The following LGSN variants were observed in gnomAD, a reference collection of about 807,000 sequenced individuals.
LGSN encodes the protein lengsin.
LGSN carries 21 observed loss-of-function variants against 19.5 expected under a neutral mutation model. The observed-to-expected ratio is 1.07, with a 90% CI of 0.76 to 1.55. The LOEUF is 1.55. Among genes scored for constraint, LGSN ranks in the 40% most tolerant of loss-of-function variants. The pLI, the probability that LGSN is intolerant of heterozygous loss-of-function variation, is 0.00. For missense variants in LGSN, 673 were observed against 608.5 expected (o/e 1.11, Z -1.12); for synonymous variants, 257 against 215.6 (o/e 1.19, Z -1.68).
At chr6:63,425,326 T>C in the LGSN span, among the ~76,000 whole-genome samples, 10 of 152,320 alleles carry the variant, frequency 6.6e-5, no homozygotes, top group Non-Finnish European at 1.0e-4. Flanking sequence ...TGAATGCTTA[T>C]AGCAGCTTTA....
rs1424238200 is a variant in LGSN at position 63,276,358 on chromosome 6, T to C, written c.*3663A>G. The C allele has an allele frequency of 1.3e-5, 2 of 152,226 alleles. No homozygotes were observed. The highest frequency in any genetic ancestry group is 2.4e-5 in the African/African-American group (1 of 41,456). 9.4% of individuals were successfully genotyped at this position (152,226 alleles called of 1,614,324 possible). A position where few individuals can be genotyped will look rare whatever the true frequency, so the allele number is the denominator to read the frequency against. On this transcript the variant is annotated 3_prime_UTR_variant, in exon 4 of 4. Coordinates refer to ENST00000370657, the MANE Select transcript of LGSN (RefSeq NM_016571.3). ...CACTGTAAAATGAAATTTTAGATTATAGAATGTCCTTGAAAATAGAAACTT... is the reference window on the plus strand; with the variant it reads ...CACTGTAAAATGAAATTTTAGATTACAGAATGTCCTTGAAAATAGAAACTT...
At chr6:63,420,016 C>G in the LGSN span, among the ~76,000 whole-genome samples, 1 of 139,680 alleles carries the variant, frequency 7.2e-6, no homozygotes, top group Non-Finnish European at 1.5e-5. Context: ...CCATGGCTAA[C>G]ACGGTGAAAC....
chr6:63,492,449 C>T, the LGSN span, among the ~76,000 whole-genome samples: 1 of 152,224 alleles, frequency 6.6e-6, no homozygotes, highest in South Asian at 2.1e-4. Context: ...TATACAGTGA[C>T]TTCACAACAC....
chr6:63,449,510 C>T, the LGSN span, among the ~76,000 whole-genome samples: 1 of 150,848 alleles, frequency 6.6e-6, no homozygotes, highest in African/African-American at 2.4e-5. Flanking sequence ...ACACCACTGC[C>T]CTCCAGCCTG....
At chr6:63,355,085 T>C in the LGSN span, among the ~76,000 whole-genome samples, 3 of 152,142 alleles carry the variant, frequency 2.0e-5, no homozygotes, top group East Asian at 1.9e-4. Flanking sequence ...ATGTATTGTA[T>C]AGTTCAAAAT....
the LGSN span, among the ~76,000 whole-genome samples, chr6:63,570,798 A>G: frequency 6.6e-6 from 1 of 152,160 alleles, no homozygotes; most frequent in Non-Finnish European, 1.5e-5. Context: ...TTTTATATTA[A>G]CCCTACCCAT....
At chr6:63,472,644 A>C in the LGSN span, among the ~76,000 whole-genome samples, 4 of 152,160 alleles carry the variant, frequency 2.6e-5, no homozygotes, top group Admixed American at 2.6e-4. Context: ...CTCCTTAAAA[A>C]TTATGCCCAA....
chr6:63,357,136 C>G, the LGSN span, among the ~76,000 whole-genome samples: 1 of 152,066 alleles, frequency 6.6e-6, no homozygotes, highest in African/African-American at 2.4e-5. Context: ...CCAGCTTCAT[C>G]CATATCCCTG....
chr6:63,278,989 T>A lies in LGSN; in HGVS notation c.*1032A>T, dbSNP rs1340163160. Reference sequence around the variant, plus strand: ...ATTTGCTAGTAAGTGGATTTTGGACTTCTTCCCAAAAGCAGCTAAACTTTT... The same window carrying A: ...ATTTGCTAGTAAGTGGATTTTGGACATCTTCCCAAAAGCAGCTAAACTTTT... On this transcript the variant is annotated 3_prime_UTR_variant, in exon 4 of 4. Coordinates refer to ENST00000370657, the MANE Select transcript of LGSN (RefSeq NM_016571.3). 1 of 152,248 alleles carries A rather than the reference T, an allele frequency of 6.6e-6. No individual in the cohort carries two copies. The highest frequency in any genetic ancestry group is 1.5e-5 in the Non-Finnish European group (1 of 68,050). The allele number at this position is 152,248 out of a possible 1,614,324, so 9.4% of individuals were successfully genotyped here.
the LGSN span, among the ~76,000 whole-genome samples, chr6:63,565,285 CGGCAGAGTTACTAATG>C: frequency 6.6e-6 from 1 of 151,706 alleles, no homozygotes; most frequent in African/African-American, 2.4e-5. Flanking sequence ...CTATATTAAG[CGGCAGAGTTACTAATG>C]TGAATACACA....
chr6:63,506,210 A>C, the LGSN span, among the ~76,000 whole-genome samples: 2 of 151,536 alleles, frequency 1.3e-5, no homozygotes, highest in Non-Finnish European at 2.9e-5. Flanking sequence ...GATTTTTCTC[A>C]TGGAAAGGAG....
the LGSN span, among the ~76,000 whole-genome samples, chr6:63,491,885 C>T: frequency 3.6e-3 from 549 of 152,092 alleles, 3 homozygotes; most frequent in Non-Finnish European, 5.8e-3. Flanking sequence ...AAAAATTAGC[C>T]GGGCGTAGTG....
chr6:63,489,065 G>GTTCA, the LGSN span, among the ~76,000 whole-genome samples: 4 of 152,002 alleles, frequency 2.6e-5, no homozygotes, highest in African/African-American at 4.8e-5. Flanking sequence ...TTTTGCTAAG[G>GTTCA]ATCATGATAA....
chr6:63,515,562 A>G, the LGSN span, among the ~76,000 whole-genome samples: 3 of 152,190 alleles, frequency 2.0e-5, no homozygotes, highest in Admixed American at 6.5e-5. Context: ...TACAGAAGTT[A>G]TTTAAAATGT....
chr6:63,508,059 A>T, the LGSN span, among the ~76,000 whole-genome samples: 1 of 103,618 alleles, frequency 9.7e-6, no homozygotes, highest in Non-Finnish European at 1.8e-5. Context: ...CAACCAATTC[A>T]TGGTTAACTG....
chr6:63,534,738 A>G, the LGSN span, among the ~76,000 whole-genome samples: 1 of 122,072 alleles, frequency 8.2e-6, no homozygotes, highest in African/African-American at 3.1e-5. Context: ...ACCTGAGGTC[A>G]GGAGTTCGAG....
chr6:63,503,113 A>C, the LGSN span, among the ~76,000 whole-genome samples: 15 of 152,172 alleles, frequency 9.9e-5, no homozygotes, highest in South Asian at 8.3e-4. Context: ...TATTGTATTC[A>C]TCATGAGTAA....
rs1206648048 is a variant in LGSN, at chr6:63,295,188, C to T, written c.31-143G>A. Reference sequence around the variant, plus strand: ...AATGATGAAAATTTTGTCACTTCCACACTCACCTGAATAACTCACAATTTA... The same window carrying T: ...AATGATGAAAATTTTGTCACTTCCATACTCACCTGAATAACTCACAATTTA... On this transcript the variant is annotated intron_variant, in intron 1 of 3. Transcript: ENST00000370657. 12 of 691,100 alleles carry T rather than the reference C, an allele frequency of 1.7e-5. No individual in the cohort carries two copies. The Admixed American group carries it at 3.3e-4, about 19-fold the overall frequency. 42.8% of individuals were successfully genotyped at this position (691,100 alleles called of 1,614,324 possible).
the LGSN span, among the ~76,000 whole-genome samples, chr6:63,469,163 T>C: frequency 6.6e-6 from 1 of 152,228 alleles, no homozygotes; most frequent in African/African-American, 2.4e-5. Context: ...AATAGTACTT[T>C]TAATGAATTT....
Sources: gnomAD v4.1 joint callset for allele counts (sites outside exome capture counted in the v4.1 genomes callset) on GRCh38, gnomAD v4.1.1 for gene constraint, MANE v1.5 for transcripts, NCBI Gene and HGNC (gene_info 2026-07-23, HGNC 2026-07-21) for gene names.